DHX30: variants seen among roughly 807,000 people sequenced by gnomAD.
DHX30 encodes the protein ATP-dependent RNA helicase DHX30.
DHX30 carries 4 observed loss-of-function variants against 116.9 expected under a neutral mutation model. The ratio of observed to expected loss-of-function variants is 0.03; its 90% CI spans 0.02 to 0.08. The LOEUF (loss-of-function observed/expected upper bound fraction) is 0.08. DHX30 is among the 10% of genes least tolerant of loss of function. The probability of loss-of-function intolerance (pLI) is 1.00; values close to 1 mark genes in which losing one functional copy is unlikely to be tolerated. For synonymous variants in DHX30, 697 were observed against 651.7 expected (o/e 1.07, Z -1.06); for missense variants, 871 against 1,595.1 (o/e 0.55, Z 7.73).
intron 4 of DHX30, among the ~76,000 whole-genome samples, chr3:47,820,072 G>T (rs2036230485): frequency 6.6e-6 from 1 of 152,204 alleles, no homozygotes; most frequent in Non-Finnish European, 1.5e-5. Flanking sequence ...CAGCATTTTG[G>T]GAGGCCAAGG....
intron 6 of DHX30, among the ~76,000 whole-genome samples, chr3:47,838,436 T>C (rs2037221427): frequency 6.6e-6 from 1 of 152,236 alleles, no homozygotes; most frequent in Non-Finnish European, 1.5e-5. Context: ...TGCCAAGTTG[T>C]GTGCTTAGTC....
intron 6 of DHX30, among the ~76,000 whole-genome samples, chr3:47,832,610 T>G (rs1248587675): frequency 6.6e-6 from 1 of 151,816 alleles, no homozygotes; most frequent in Non-Finnish European, 1.5e-5. Flanking sequence ...ATTTTGTTCC[T>G]CACGGAACAT....
chr3:47,833,466 A>C (rs901284544), intron 6 of DHX30, among the ~76,000 whole-genome samples: 6 of 135,206 alleles, frequency 4.4e-5, no homozygotes, highest in African/African-American at 1.7e-4. Flanking sequence ...TGGGAGGCAG[A>C]GGTTGCAGTG....
At chr3:47,827,596 G>A in intron 5 of DHX30, 119 bp downstream of exon 5, 1 of 1,343,518 alleles carries the variant, frequency 7.4e-7, no homozygotes, top group South Asian at 1.5e-5. Flanking sequence ...GAATTAAAAT[G>A]GTCAGCAGAG....
At chr3:47,818,533 G>A (rs1041255956) in intron 4 of DHX30, among the ~76,000 whole-genome samples, 1 of 152,170 alleles carries the variant, frequency 6.6e-6, no homozygotes, top group African/African-American at 2.4e-5. Flanking sequence ...CATCTTGGAG[G>A]CTTTGGGAAT....
chr3:47,817,655 G>A (rs950006902), intron 3 of DHX30, among the ~76,000 whole-genome samples: 2 of 152,204 alleles, frequency 1.3e-5, no homozygotes, highest in Non-Finnish European at 1.5e-5. Context: ...AAGCAGACAC[G>A]TGGTGCTTTT....
chr3:47,838,213 C>G (rs2037211199), intron 6 of DHX30, among the ~76,000 whole-genome samples: 1 of 152,164 alleles, frequency 6.6e-6, no homozygotes. Flanking sequence ...CATACCTTGG[C>G]CCCATCGTCT....
At chr3:47,819,361 C>A in intron 4 of DHX30, 2 of 1,141,544 alleles carry the variant, frequency 1.8e-6, no homozygotes, top group Non-Finnish European at 2.5e-6. Flanking sequence ...CCTTCTTGAG[C>A]ACACGCGGAG....
At chr3:47,804,949 T>A (rs1207880104) in intron 1 of DHX30, among the ~76,000 whole-genome samples, 2 of 152,228 alleles carry the variant, frequency 1.3e-5, no homozygotes, top group African/African-American at 4.8e-5. Flanking sequence ...ATTTTCCCAA[T>A]CTTGAAGAGT....
At chr3:47,814,446 A>AAAG (rs2035953520) in intron 3 of DHX30, among the ~76,000 whole-genome samples, 1 of 150,506 alleles carries the variant, frequency 6.6e-6, no homozygotes, top group African/African-American at 2.4e-5. Flanking sequence ...AAAAAAAAAA[A>AAAG]AAGAAAAAAA....
chr3:47,828,025 AT>A (rs945492811), intron 5 of DHX30, among the ~76,000 whole-genome samples: 2 of 151,518 alleles, frequency 1.3e-5, no homozygotes, highest in South Asian at 4.2e-4. Flanking sequence ...CACTCGTCTA[AT>A]TTTTTTTATT....
chr3:47,815,192 A>C (rs1576467444), intron 3 of DHX30, among the ~76,000 whole-genome samples: 1 of 152,302 alleles, frequency 6.6e-6, no homozygotes, highest in East Asian at 1.9e-4. Context: ...GTGTTAACTT[A>C]CCTGATCTTG....
At chr3:47,816,555 A>G in intron 3 of DHX30, 1 of 948,970 alleles carries the variant, frequency 1.1e-6, no homozygotes, top group Non-Finnish European at 1.3e-6. Context: ...ACGGGGTTTC[A>G]CCATGTTGGC....
chr3:47,813,469 T>TA (rs2035893240), intron 3 of DHX30, among the ~76,000 whole-genome samples: 1 of 152,204 alleles, frequency 6.6e-6, no homozygotes, highest in Non-Finnish European at 1.5e-5. Flanking sequence ...AATGTGTTTA[T>TA]AGGAGGTAAA....
At chr3:47,816,140 G>T in intron 3 of DHX30, 1 of 981,624 alleles carries the variant, frequency 1.0e-6, no homozygotes, top group South Asian at 4.7e-5. Flanking sequence ...TATGTTTTCT[G>T]TAAAATCACA....
At chr3:47,827,200 C>G in intron 4 of DHX30, 147 bp from the exon 5 acceptor site, 1 of 719,134 alleles carries the variant, frequency 1.4e-6, no homozygotes, top group Non-Finnish European at 2.1e-6. Context: ...GAAGTCATTC[C>G]TCTTTTCTTT....
At chr3:47,819,048 G>A (rs933497632) in intron 4 of DHX30, among the ~76,000 whole-genome samples, 5 of 152,246 alleles carry the variant, frequency 3.3e-5, no homozygotes, top group South Asian at 2.1e-4. Flanking sequence ...CTGCTGCTGC[G>A]TCCCAGGCAG....
At chr3:47,835,817 A>T (rs965274388) in intron 6 of DHX30, among the ~76,000 whole-genome samples, 6 of 152,220 alleles carry the variant, frequency 3.9e-5, no homozygotes, top group African/African-American at 7.2e-5. Context: ...TCCAGTTTGG[A>T]TGCCTTTTTT....
At chr3:47,807,703 CA>C (rs1202083372) in intron 2 of DHX30, among the ~76,000 whole-genome samples, 3,851 of 32,868 alleles carry the variant, frequency 0.12, 11 homozygotes, top group Non-Finnish European at 0.16. Flanking sequence ...GACTCTGTCT[CA>C]AAAAAAAAAA....
Sources: gnomAD v4.1 joint callset for allele counts (sites outside exome capture counted in the v4.1 genomes callset) on GRCh38, gnomAD v4.1.1 for gene constraint, MANE v1.5 for transcripts, NCBI Gene and HGNC (gene_info 2026-07-23, HGNC 2026-07-21) for gene names.